Variants in NCOA1 observed in about 807,000 individuals in gnomAD.
NCOA1 encodes nuclear receptor coactivator 1, also known as Hin-2 protein.
NCOA1 carries 35 observed loss-of-function variants against 150.9 expected under a neutral mutation model. The observed-to-expected ratio is 0.23, with a 90% CI of 0.18 to 0.31. NCOA1 has a LOEUF of 0.31. Ranked by LOEUF, NCOA1 falls within the 10% of genes least tolerant of loss-of-function variation. The probability of loss-of-function intolerance (pLI) is 1.00; values close to 1 mark genes in which losing one functional copy is unlikely to be tolerated. For synonymous variants in NCOA1, 590 were observed against 630.0 expected, an observed-to-expected ratio of 0.94 and a Z score of 0.95; for missense variants, 1,491 against 1,749.3, an observed-to-expected ratio of 0.85 and a Z score of 2.63.
intron 3 of NCOA1, among the ~76,000 whole-genome samples, chr2:24,606,660 T>C (rs1191361573): frequency 6.6e-6 from 1 of 152,210 alleles, no homozygotes; most frequent in Admixed American, 6.5e-5. Context: ...GTCTCCATAT[T>C]TTCAGTCTTA....
intron 1 of NCOA1, among the ~76,000 whole-genome samples, chr2:24,549,294 G>T (rs764517176): frequency 3.3e-5 from 5 of 152,126 alleles, no homozygotes; most frequent in Admixed American, 6.5e-5. Flanking sequence ...CTGGCACACA[G>T]GGCACTAAGT....
chr2:24,563,227 T>C (rs1438449744), intron 1 of NCOA1, among the ~76,000 whole-genome samples: 1 of 152,162 alleles, frequency 6.6e-6, no homozygotes, highest in East Asian at 1.9e-4. Flanking sequence ...AGGGCAGCAG[T>C]GGGAGACCAA....
At chr2:24,496,937 T>G (rs1050462654) in intron 1 of NCOA1, among the ~76,000 whole-genome samples, 2 of 152,214 alleles carry the variant, frequency 1.3e-5, no homozygotes, top group Non-Finnish European at 2.9e-5. Flanking sequence ...AGGTATTAAT[T>G]AGGAATTAAT....
intron 4 of NCOA1, among the ~76,000 whole-genome samples, chr2:24,657,514 G>A (rs1457798099): frequency 6.6e-6 from 1 of 152,198 alleles, no homozygotes; most frequent in African/African-American, 2.4e-5. Context: ...AATTGAAAAT[G>A]TGCCTTTTTG....
chr2:24,705,191 C>T lies in NCOA1; in HGVS notation c.1055C>T (p.Pro352Leu). The change falls in exon 12 of 23, where the codon CCA (proline) becomes CTA (leucine). Residue 352 changes from proline to leucine, a missense_variant. Transcript: ENST00000348332. ...TGTAAACTTTGCTACCCTCAAAGTC[C>T]AGACATGCAACCTTTCATCATGGGA... ...TKCKLCYPQS[P>L]DMQPFIMGIH... is the part of the protein sequence containing the mutation. The T allele has an allele frequency of 6.2e-7, 1 of 1,613,908 alleles. No individual in the cohort carries two copies. The highest frequency in any genetic ancestry group is 1.1e-5 in the South Asian group (1 of 91,080).
chr2:24,647,688 T>C (rs578049316), intron 4 of NCOA1, among the ~76,000 whole-genome samples: 3 of 152,320 alleles, frequency 2.0e-5, no homozygotes, highest in African/African-American at 7.2e-5. Flanking sequence ...GTCATATCCT[T>C]TAGATGCATA....
intron 2 of NCOA1, among the ~76,000 whole-genome samples, chr2:24,576,170 G>GTTTTTGTTTTTTTTTTTTTTTT (rs1666967476): frequency 3.7e-4 from 17 of 46,284 alleles, no homozygotes; most frequent in African/African-American, 1.0e-3. Context: ...TTTGTTTTTT[G>GTTTTTGTTTTTTTTTTTTTTTT]TTTTTTTTTT....
chr2:24,542,651 G>C (rs1216572985), intron 1 of NCOA1, among the ~76,000 whole-genome samples: 1 of 152,186 alleles, frequency 6.6e-6, no homozygotes, highest in African/African-American at 2.4e-5. Flanking sequence ...TGTTGTAGGT[G>C]ATGTTGGTCT....
At chr2:24,761,326 A>G in intron 21 of NCOA1, among the ~76,000 whole-genome samples, 1 of 151,912 alleles carries the variant, frequency 6.6e-6, no homozygotes. Flanking sequence ...TTTTTCTTTG[A>G]TTTTAGAACA....
At chr2:24,553,983 G>T (rs1447991725) in intron 1 of NCOA1, among the ~76,000 whole-genome samples, 1 of 152,136 alleles carries the variant, frequency 6.6e-6, no homozygotes, top group Admixed American at 6.5e-5. Context: ...GGAGTTTATT[G>T]CCATAAAATT....
At chr2:24,656,438 G>A (rs943527781) in intron 4 of NCOA1, among the ~76,000 whole-genome samples, 37 of 152,272 alleles carry the variant, frequency 2.4e-4, no homozygotes, top group African/African-American at 8.7e-4. Context: ...TAATTAGCAT[G>A]TCCCTCACGT....
intron 1 of NCOA1, among the ~76,000 whole-genome samples, chr2:24,519,991 TGATG>T (rs1472514781): frequency 6.6e-6 from 1 of 152,202 alleles, no homozygotes; most frequent in Non-Finnish European, 1.5e-5. Context: ...GATACACAGA[TGATG>T]GATGAACACA....
At chr2:24,531,761 C>T (rs554238439) in intron 1 of NCOA1, among the ~76,000 whole-genome samples, 1 of 152,298 alleles carries the variant, frequency 6.6e-6, no homozygotes, top group South Asian at 2.1e-4. Context: ...ACACCTTCAT[C>T]CATGTCCCTG....
At chr2:24,760,765 T>A (rs1368143851) in intron 21 of NCOA1, among the ~76,000 whole-genome samples, 1 of 152,232 alleles carries the variant, frequency 6.6e-6, no homozygotes, top group Non-Finnish European at 1.5e-5. Context: ...TATTTCTTAT[T>A]CTTGGGGTTC....
intron 3 of NCOA1, among the ~76,000 whole-genome samples, chr2:24,641,565 A>G (rs748947718): frequency 9.2e-5 from 14 of 152,112 alleles, no homozygotes; most frequent in Non-Finnish European, 1.6e-4. Flanking sequence ...GTTTGGTTAT[A>G]TGAAAGTGTT....
chr2:24,513,613 T>G (rs1218094561), intron 1 of NCOA1, among the ~76,000 whole-genome samples: 1 of 152,236 alleles, frequency 6.6e-6, no homozygotes, highest in African/African-American at 2.4e-5. Context: ...CGTGCACACG[T>G]GTACATATGT....
intron 3 of NCOA1, among the ~76,000 whole-genome samples, chr2:24,584,960 C>T (rs1667340562): frequency 6.6e-6 from 1 of 152,166 alleles, no homozygotes; most frequent in Non-Finnish European, 1.5e-5. Flanking sequence ...TGGTATGTGA[C>T]TTTTCCTGTA....
intron 3 of NCOA1, among the ~76,000 whole-genome samples, chr2:24,639,916 G>GTATATATATA (rs67632791): frequency 1.7e-4 from 5 of 29,718 alleles, no homozygotes; most frequent in Admixed American, 5.0e-4. Flanking sequence ...ATGTGTGTGT[G>GTATATATATA]TATATATATA....
At position 24,763,616 on chromosome 2, in the gene NCOA1, C is replaced by CTCTT. The variant is rs1250283392; in HGVS notation, c.4155+841_4155+842insCTTT. On this transcript the variant is annotated intron_variant, in intron 22 of 22. Coordinates refer to ENST00000348332, the MANE Select transcript of NCOA1 (RefSeq NM_003743.5). The stretch of plus-strand genomic sequence containing the variant: ...TTTGGTTGAACTTTGGTCTCTCTCT[C>CTCTT]TTTTTTTTTTTTTTTTTTTTTTGAG... Among the ~76,000 whole-genome samples, 183 of 85,326 alleles carry CTCTT rather than the reference C, an allele frequency of 2.1e-3. 1 individual carries two copies. Among genetic ancestry groups the CTCTT allele is most frequent in the East Asian group, 6.8e-3 (19 of 2,810 alleles). 56.0% of individuals were successfully genotyped at this position (85,326 alleles called of 152,430 possible).
Sources: allele counts gnomAD v4.1 joint callset (sites outside exome capture counted in the v4.1 genomes callset), GRCh38; gene constraint gnomAD v4.1.1; transcripts MANE v1.5; gene names NCBI Gene and HGNC (gene_info 2026-07-23, HGNC 2026-07-21).